Variants in VWA3B observed in about 807,000 individuals in gnomAD.
VWA3B encodes von Willebrand factor A domain containing 3B.
VWA3B carries 138 observed loss-of-function variants against 158.3 expected under a neutral mutation model. The observed-to-expected ratio is 0.87, with a 90% confidence interval of 0.76 to 1.00. VWA3B has a LOEUF of 1.00. Among genes scored for constraint, VWA3B ranks in the 50% least tolerant of loss-of-function variants. VWA3B has a pLI of 0.00. For synonymous variants in VWA3B, 596 were observed against 587.3 expected, an observed-to-expected ratio of 1.01 and a Z score of -0.21; for missense variants, 1,555 against 1,565.1, an observed-to-expected ratio of 0.99 and a Z score of 0.11.
chr2:98,198,767 T>C (rs1682274991), intron 12 of VWA3B, among the ~76,000 whole-genome samples: 1 of 152,122 alleles, frequency 6.6e-6, no homozygotes, highest in Admixed American at 6.6e-5. Flanking sequence ...AACAAAATCA[T>C]ACAATAGAAC....
chr2:98,151,204 C>T (rs1412379186), intron 7 of VWA3B, among the ~76,000 whole-genome samples: 1 of 152,042 alleles, frequency 6.6e-6, no homozygotes, highest in African/African-American at 2.4e-5. Flanking sequence ...CCTCCACCTC[C>T]TGGGTTCAAG....
chr2:98,204,725 T>C (rs889175189), intron 12 of VWA3B, among the ~76,000 whole-genome samples: 1 of 152,232 alleles, frequency 6.6e-6, no homozygotes, highest in Non-Finnish European at 1.5e-5. Context: ...ACTGGCCTCA[T>C]AGAGTGAGTT....
At chr2:98,109,270 G>T (rs1673944718) in intron 2 of VWA3B, among the ~76,000 whole-genome samples, 1 of 152,090 alleles carries the variant, frequency 6.6e-6, no homozygotes, top group South Asian at 2.1e-4. Flanking sequence ...GGGATTACAG[G>T]CGTGAGCCAC....
intron 7 of VWA3B, among the ~76,000 whole-genome samples, chr2:98,147,015 G>A (rs1677222471): frequency 6.6e-6 from 1 of 152,148 alleles, no homozygotes; most frequent in Non-Finnish European, 1.5e-5. Context: ...AATTGATAAA[G>A]TATCATTTGA....
chr2:98,131,623 T>C (rs1675878625), intron 6 of VWA3B, among the ~76,000 whole-genome samples: 1 of 152,206 alleles, frequency 6.6e-6, no homozygotes, highest in Non-Finnish European at 1.5e-5. Flanking sequence ...CATTTTTTCT[T>C]TTTGATAACA....
intron 10 of VWA3B, 62 bp from the exon 11 acceptor site, chr2:98,192,836 G>C: frequency 1.2e-6 from 2 of 1,610,032 alleles, no homozygotes; most frequent in Non-Finnish European, 1.7e-6. Context: ...TTAAGTTCTT[G>C]GGAAGATGCT....
chr2:98,216,556 T>C (rs1684004485), intron 13 of VWA3B, among the ~76,000 whole-genome samples: 1 of 152,190 alleles, frequency 6.6e-6, no homozygotes, highest in Non-Finnish European at 1.5e-5. Flanking sequence ...ATCTCGGCCT[T>C]TCTTGCCACT....
In VWA3B at chr2:98,135,615, G is replaced by A. The variant is rs1329177530; in HGVS notation, c.988+1676G>A. On this transcript the variant is annotated intron_variant, in intron 7 of 27. Transcript: ENST00000477737. ...CTCCCAAAGTGCTGGGATTACAGGC[G>A]TGAGCCACCGCGCCCGGCCAAAAAC... is the stretch of plus-strand genomic sequence containing the variant. Among the ~76,000 whole-genome samples, 11 of 152,166 alleles carry A rather than the reference G, an allele frequency of 7.2e-5. No homozygotes were observed. In the East Asian group the frequency reaches 9.6e-4, roughly 13 times the overall value.
the VWA3B span, among the ~76,000 whole-genome samples, chr2:98,321,866 C>G: frequency 1.3e-5 from 2 of 152,150 alleles, no homozygotes; most frequent in Admixed American, 6.5e-5. Context: ...GTGTCCCCAT[C>G]CAAATCTCAT....
chr2:98,323,376 C>T, the VWA3B span, among the ~76,000 whole-genome samples: 1 of 150,236 alleles, frequency 6.7e-6, no homozygotes, highest in African/African-American at 2.5e-5. Flanking sequence ...TTACTCAATC[C>T]AAAAAAACAA....
chr2:98,196,934 T>C (rs75219160), intron 12 of VWA3B, among the ~76,000 whole-genome samples: 2 of 152,246 alleles, frequency 1.3e-5, no homozygotes, highest in African/African-American at 4.8e-5. Context: ...AATGTTCACC[T>C]CTAACATAGC....
chr2:98,162,953 C>G lies in VWA3B; in HGVS notation c.1091C>G (p.Pro364Arg). Reference protein sequence around the residue: ...IQRLVAEPPKPDVATVDCESE... With the variant: ...IQRLVAEPPKRDVATVDCESE... Reference sequence around the variant, plus strand: ...AGGCTGGTGGCCGAGCCTCCCAAGCCCGACGTGGCCACTGTGGACTGCGGT... The same window carrying G: ...AGGCTGGTGGCCGAGCCTCCCAAGCGCGACGTGGCCACTGTGGACTGCGGT... Residue 364 changes from proline (P) to arginine (R), a missense_variant, in exon 8 of 28, where the codon CCC becomes CGC. Pro to Arg is a moderately radical substitution (Grantham distance 103, BLOSUM62 -2). Coordinates refer to ENST00000477737, the MANE Select transcript of VWA3B (RefSeq NM_144992.5). The G allele has an allele frequency of 6.2e-7, 1 of 1,614,148 alleles. No homozygotes were observed. The highest frequency in any genetic ancestry group is 1.1e-5 in the South Asian group (1 of 91,082).
intron 26 of VWA3B, among the ~76,000 whole-genome samples, chr2:98,311,455 A>G (rs1325419568): frequency 6.6e-6 from 1 of 152,246 alleles, no homozygotes; most frequent in Non-Finnish European, 1.5e-5. Flanking sequence ...GCTCCAATAC[A>G]GGGATGAACT....
At chr2:98,229,967 G>A (rs1174620547) in intron 15 of VWA3B, 83 bp from the exon 16 acceptor site, 25 of 1,426,336 alleles carry the variant, frequency 1.8e-5, no homozygotes, top group East Asian at 2.4e-5. Flanking sequence ...CAACATGAAT[G>A]TATTGACTTA....
At chr2:98,183,092 A>G (rs910330812) in intron 9 of VWA3B, among the ~76,000 whole-genome samples, 5 of 151,974 alleles carry the variant, frequency 3.3e-5, no homozygotes, top group Admixed American at 1.3e-4. Flanking sequence ...CACTTTGAAT[A>G]ATTTGGCTTA....
chr2:98,127,611 G>C (rs1335210227), intron 5 of VWA3B, among the ~76,000 whole-genome samples: 14 of 102,632 alleles, frequency 1.4e-4, no homozygotes, highest in Non-Finnish European at 2.7e-4. Flanking sequence ...GGGGGGGTGT[G>C]TCCTGACACA....
chr2:98,210,347 G>A (rs62154943), intron 12 of VWA3B, among the ~76,000 whole-genome samples: 7,180 of 152,164 alleles, frequency 0.047, 253 homozygotes, highest in Middle Eastern at 0.082. Flanking sequence ...TGCATCCTAC[G>A]CTGGGCATGA....
intron 12 of VWA3B, among the ~76,000 whole-genome samples, chr2:98,209,801 A>G (rs1470740311): frequency 1.3e-5 from 2 of 152,176 alleles, no homozygotes; most frequent in Non-Finnish European, 2.9e-5. Context: ...TTTAAATTAT[A>G]TCTTAGACCA....
chr2:98,290,536 C>A lies in VWA3B; in HGVS notation c.3071C>A (p.Thr1024Lys). The A allele has an allele frequency of 6.3e-7, 1 of 1,580,288 alleles. No individual in the cohort carries two copies. Among genetic ancestry groups the A allele is most frequent in the South Asian group, 1.2e-5 (1 of 83,372 alleles). The change falls in exon 23 of 28, where the codon ACA becomes AAA. Residue 1024 changes from threonine (T) to lysine (K), a missense_variant. Thr to Lys is a moderately conservative substitution (Grantham distance 78). Transcript: ENST00000477737. ...GEQQKLQGNPTKKTKSKRPDP... is the reference protein window; with the variant it reads ...GEQQKLQGNPKKKTKSKRPDP... Reference sequence around the variant, plus strand: ...CAACAGAAATTGCAAGGAAATCCAACAAAGAAAACCAAATCAAAAAGACCA... The same window carrying A: ...CAACAGAAATTGCAAGGAAATCCAAAAAAGAAAACCAAATCAAAAAGACCA...
Sources: allele counts gnomAD v4.1 joint callset (sites outside exome capture counted in the v4.1 genomes callset), GRCh38; gene constraint gnomAD v4.1.1; transcripts MANE v1.5; gene names NCBI Gene and HGNC (gene_info 2026-07-23, HGNC 2026-07-21).